Variants in ZZZ3 observed in about 807,000 individuals in gnomAD.
The protein encoded by ZZZ3 is zinc finger ZZ-type containing 3, also known as ZZ-type zinc finger-containing protein 3.
Under a neutral mutation model 95.2 loss-of-function variants are expected in ZZZ3, and 22 were observed. The observed-to-expected ratio is 0.23, with a 90% CI of 0.17 to 0.33. The LOEUF is 0.33. Among genes scored for constraint, ZZZ3 ranks in the 10% least tolerant of loss-of-function variants. The probability of loss-of-function intolerance (pLI) is 1.00; values close to 1 mark genes in which losing one functional copy is unlikely to be tolerated. For synonymous variants in ZZZ3, 335 were observed against 358.9 expected (o/e 0.93, Z 0.75); for missense variants, 885 against 1,066.5 (o/e 0.83, Z 2.37).
At chr1:77,591,990 G>GT (rs1443603346) in intron 5 of ZZZ3, among the ~76,000 whole-genome samples, 1 of 152,074 alleles carries the variant, frequency 6.6e-6, no homozygotes, top group African/African-American at 2.4e-5. Context: ...GCCAAGGAAC[G>GT]TAAGACAAAG....
chr1:77,601,967 C>T (rs532001215), intron 5 of ZZZ3, among the ~76,000 whole-genome samples: 2 of 152,246 alleles, frequency 1.3e-5, no homozygotes, highest in East Asian at 1.9e-4. Flanking sequence ...AAGATGTTGG[C>T]TAAGGAAGTT....
In ZZZ3 at chr1:77,632,118, T is replaced by C. The variant is rs145476647; in HGVS notation, c.1237A>G (p.Asn413Asp). 1.6e-4 allele frequency: 255 copies of C among 1,614,140 alleles called. No individual in the cohort carries two copies. In the African/African-American group the frequency reaches 2.8e-3, roughly 18 times the overall value. Residue 413 changes from asparagine to aspartate, a missense_variant, in exon 5 of 15, where the codon AAT (asparagine) becomes GAT (aspartate). Asn to Asp is a conservative substitution (Grantham distance 23, BLOSUM62 1). This residue lies in a region of ZZZ3 where 556 missense variants were observed against 652.9 expected (regional missense o/e 0.85). Coordinates refer to ENST00000370801, the MANE Select transcript of ZZZ3 (RefSeq NM_015534.6). ...TCACTAACAGTTGCATTTGTTTCAT[T>C]AGGACTAAGATTATTCTCCTCAAAT... ...GQFEENNLSP[N>D]ETNATVSDNV...
intron 5 of ZZZ3, among the ~76,000 whole-genome samples, chr1:77,614,020 A>G (rs980458643): frequency 6.6e-6 from 1 of 151,426 alleles, no homozygotes; most frequent in Admixed American, 6.6e-5. Flanking sequence ...ACATAGCTAT[A>G]AACAATAAAT....
intron 5 of ZZZ3, among the ~76,000 whole-genome samples, chr1:77,599,018 C>T (rs1044003124): frequency 4.6e-5 from 7 of 152,034 alleles, no homozygotes; most frequent in Non-Finnish European, 7.4e-5. Flanking sequence ...GCTGGAGAGA[C>T]GACAAATTCA....
intron 5 of ZZZ3, among the ~76,000 whole-genome samples, chr1:77,613,705 T>G (rs993645375): frequency 1.2e-4 from 18 of 152,098 alleles, no homozygotes; most frequent in African/African-American, 4.3e-4. Context: ...CTTTCTCTTT[T>G]CTCCTGACCT....
chr1:77,680,107 A>G (rs1557790618), intron 1 of ZZZ3, among the ~76,000 whole-genome samples: 1 of 152,258 alleles, frequency 6.6e-6, no homozygotes, highest in Non-Finnish European at 1.5e-5. Context: ...TAAAAATAAT[A>G]ATAAAACGTA....
intron 1 of ZZZ3, among the ~76,000 whole-genome samples, chr1:77,668,052 C>A (rs1671407199): frequency 1.3e-5 from 2 of 152,000 alleles, no homozygotes; most frequent in Non-Finnish European, 2.9e-5. Context: ...CAGGTGTGAG[C>A]CGCTACACCT....
chr1:77,568,223 A>G lies in ZZZ3; in HGVS notation c.2466+109T>C, dbSNP rs1661012111. The stretch of plus-strand genomic sequence containing the variant: ...GAACCCGGGAGGCAGAGGTTGCAGT[A>G]AGCTGAGATCACGCCACTGCACTCC... On this transcript the variant is annotated intron_variant, in intron 13 of 14. Coordinates refer to ENST00000370801, the MANE Select transcript of ZZZ3 (RefSeq NM_015534.6). The G allele has an allele frequency of 1.0e-5, 9 of 870,252 alleles. No homozygotes were observed. In the South Asian group the frequency reaches 1.3e-4, roughly 12 times the overall value. 53.9% of individuals were successfully genotyped at this position (870,252 alleles called of 1,614,324 possible). A position where few individuals can be genotyped will look rare whatever the true frequency, so the allele number is the denominator to read the frequency against.
chr1:77,605,549 CT>C (rs1296233396), intron 5 of ZZZ3, among the ~76,000 whole-genome samples: 1 of 152,192 alleles, frequency 6.6e-6, no homozygotes, highest in African/African-American at 2.4e-5. Flanking sequence ...CACCCTTCCC[CT>C]AACCACAGGC....
chr1:77,567,138 C>T (rs1660903831), intron 13 of ZZZ3, among the ~76,000 whole-genome samples: 1 of 152,190 alleles, frequency 6.6e-6, no homozygotes, highest in Admixed American at 6.5e-5. Flanking sequence ...CACATCAGTA[C>T]TTTCATGTGC....
chr1:77,603,271 G>T (rs1421297901), intron 5 of ZZZ3, among the ~76,000 whole-genome samples: 1 of 152,076 alleles, frequency 6.6e-6, no homozygotes, highest in Non-Finnish European at 1.5e-5. Flanking sequence ...TAGAGTCAGG[G>T]TTTTACCATG....
chr1:77,574,595 A>G (rs1661742139), intron 12 of ZZZ3, among the ~76,000 whole-genome samples: 1 of 152,146 alleles, frequency 6.6e-6, no homozygotes, highest in Admixed American at 6.5e-5. Flanking sequence ...AAAAAGAAGG[A>G]CTGACTCTGG....
chr1:77,623,727 T>C (rs1014317103), intron 5 of ZZZ3, among the ~76,000 whole-genome samples: 32 of 152,316 alleles, frequency 2.1e-4, no homozygotes, highest in African/African-American at 7.2e-4. Flanking sequence ...CCAAGATTAG[T>C]AGACATGTGA....
intron 1 of ZZZ3, among the ~76,000 whole-genome samples, chr1:77,647,482 G>C (rs1669392555): frequency 6.6e-6 from 1 of 150,650 alleles, no homozygotes; most frequent in Non-Finnish European, 1.5e-5. Flanking sequence ...TTGCACCACT[G>C]CACTCCAGCC....
At chr1:77,681,513 T>C (rs1203725565) in intron 1 of ZZZ3, among the ~76,000 whole-genome samples, 2 of 152,170 alleles carry the variant, frequency 1.3e-5, no homozygotes, top group Non-Finnish European at 2.9e-5. Context: ...AAATATTAAA[T>C]TGATTTCAAA....
chr1:77,635,887 C>G (rs977538971), intron 4 of ZZZ3, among the ~76,000 whole-genome samples: 2 of 152,118 alleles, frequency 1.3e-5, no homozygotes, highest in African/African-American at 4.8e-5. Flanking sequence ...GCCTGGGCAA[C>G]AGAGCGAGAC....
chr1:77,576,770 AAAAAAACAAC>A (rs1349640788), intron 11 of ZZZ3, among the ~76,000 whole-genome samples: 13 of 30,900 alleles, frequency 4.2e-4, no homozygotes, highest in Admixed American at 1.9e-3. Flanking sequence ...AAAAAAAAAC[AAAAAAACAAC>A]AAAAAAAAAA....
chr1:77,580,788 C>A, intron 9 of ZZZ3: 1 of 459,220 alleles, frequency 2.2e-6, no homozygotes, highest in Non-Finnish European at 4.0e-6. Flanking sequence ...CACGCCATCA[C>A]ACCCGGCTAA....
intron 1 of ZZZ3, among the ~76,000 whole-genome samples, chr1:77,665,601 G>C (rs1236668800): frequency 6.6e-6 from 1 of 152,164 alleles, no homozygotes; most frequent in Non-Finnish European, 1.5e-5. Flanking sequence ...AAGTTTAAAA[G>C]TGTATGAATA....
Sources: allele counts gnomAD v4.1 joint callset (sites outside exome capture counted in the v4.1 genomes callset), GRCh38; gene constraint gnomAD v4.1.1; regional missense constraint gnomAD v4.1.1; transcripts MANE v1.5; gene names NCBI Gene and HGNC (gene_info 2026-07-23, HGNC 2026-07-21).